The following STXBP5L variants were observed in gnomAD, a reference collection of about 807,000 sequenced individuals.
The protein encoded by STXBP5L is syntaxin-binding protein 5-like.
STXBP5L carries 65 observed loss-of-function variants against 144.5 expected under a neutral mutation model. The observed-to-expected ratio is 0.45, with a 90% CI of 0.37 to 0.55. The LOEUF (loss-of-function observed/expected upper bound fraction) is 0.55. Ranked by LOEUF, STXBP5L falls within the 20% of genes least tolerant of loss-of-function variation. The pLI is 0.00. For missense variants in STXBP5L, 1,298 were observed against 1,405.5 expected (o/e 0.92, Z 1.22); for synonymous variants, 505 against 469.6 (o/e 1.08, Z -0.97).
intron 9 of STXBP5L, among the ~76,000 whole-genome samples, chr3:121,190,661 G>T (rs2047613094): frequency 6.6e-6 from 1 of 151,558 alleles, no homozygotes. Flanking sequence ...CTCCCAGATG[G>T]GGTGGCTGGC....
intron 3 of STXBP5L, among the ~76,000 whole-genome samples, chr3:120,965,370 A>G (rs1434745619): frequency 1.3e-5 from 2 of 152,102 alleles, no homozygotes; most frequent in African/African-American, 2.4e-5. Flanking sequence ...TCTTCATAGC[A>G]TCGATGGTCT....
chr3:121,100,093 T>C (rs9289158), intron 5 of STXBP5L, among the ~76,000 whole-genome samples: 15,113 of 152,128 alleles, frequency 0.099, 1,180 homozygotes, highest in Admixed American at 0.2. Flanking sequence ...CACCCAGATT[T>C]ATAAAACAAG....
At chr3:121,009,517 G>A (rs1003642240) in intron 3 of STXBP5L, among the ~76,000 whole-genome samples, 4 of 151,978 alleles carry the variant, frequency 2.6e-5, no homozygotes, top group Non-Finnish European at 2.9e-5. Flanking sequence ...TCTGAATGTG[G>A]TAGCAGTTCA....
At chr3:120,962,365 G>C (rs1301101162) in intron 3 of STXBP5L, among the ~76,000 whole-genome samples, 2 of 152,168 alleles carry the variant, frequency 1.3e-5, no homozygotes, top group Admixed American at 6.5e-5. Context: ...CCTATATCCT[G>C]AATGGTATTG....
intron 11 of STXBP5L, among the ~76,000 whole-genome samples, chr3:121,228,469 G>A (rs2049192335): frequency 2.6e-5 from 4 of 152,216 alleles, no homozygotes; most frequent in Non-Finnish European, 4.4e-5. Flanking sequence ...AAACTAGGTA[G>A]TTCTCAGGAA....
chr3:121,344,983 G>C (rs1053838691), intron 20 of STXBP5L, among the ~76,000 whole-genome samples: 1 of 150,192 alleles, frequency 6.7e-6, no homozygotes, highest in South Asian at 2.1e-4. Flanking sequence ...ACACATTTTT[G>C]TATATATAAA....
In STXBP5L at chr3:121,407,669, T is replaced by C. The variant is rs765512346; in HGVS notation, c.2948+66T>C. The stretch of plus-strand genomic sequence containing the variant: ...ACCAGCAAGGTACAATCCTAAAAAA[T>C]ATATGTGTTATGTGCAGATGTTATC... On this transcript the variant is annotated intron_variant, in intron 23 of 26. Coordinates refer to ENST00000471454, the MANE Select transcript of STXBP5L (RefSeq NM_001308330.2). The C allele has an allele frequency of 5.0e-6, 8 of 1,590,720 alleles. No individual in the cohort carries two copies. The Admixed American group carries it at 1.0e-4, about 20-fold the overall frequency.
In STXBP5L at chr3:121,116,966, A is replaced by G. The variant is rs531753232; in HGVS notation, c.605+1907A>G. On this transcript the variant is annotated intron_variant, in intron 6 of 26. Transcript: ENST00000471454. ...TGTTCAGGTTGAATGCTGCTAAAGT[A>G]ATTGAGAAGAATTTGTTATCTTAAG... Among the ~76,000 whole-genome samples, 37 of 152,122 alleles carry G rather than the reference A, an allele frequency of 2.4e-4. 1 individual carries two copies. In the South Asian group the frequency reaches 3.3e-3, roughly 14 times the overall value.
rs554051367 is a variant in STXBP5L at position 121,004,140 on chromosome 3, C to T, written c.288-37560C>T. ...CACTGAATCTATAAATTACCTTGGG[C>T]AGTATGGCCATTTTCATGATATTGA... is the stretch of plus-strand genomic sequence containing the variant. On this transcript the variant is annotated intron_variant, in intron 3 of 26. Coordinates refer to ENST00000471454, the MANE Select transcript of STXBP5L (RefSeq NM_001308330.2). 5.5e-3 allele frequency among the ~76,000 whole-genome samples: 830 copies of T among 152,224 alleles called. 12 individuals carry two copies. Among genetic ancestry groups the T allele is most frequent in the African/African-American group, 0.019 (793 of 41,516 alleles).
In STXBP5L at chr3:121,107,688, T is replaced by A. The variant is rs1269950951; in HGVS notation, c.471-7237T>A. Among the ~76,000 whole-genome samples, 4 of 152,138 alleles carry A rather than the reference T, an allele frequency of 2.6e-5. No homozygotes were observed. In the East Asian group the frequency reaches 7.7e-4, roughly 29 times the overall value. On this transcript the variant is annotated intron_variant, in intron 5 of 26. Transcript: ENST00000471454. The stretch of plus-strand genomic sequence containing the variant: ...TCTTTTTGCTTAGAATTTTCTTGGT[T>A]ATATGGGCTCTTTTTTGGCTCCATA...
intron 5 of STXBP5L, among the ~76,000 whole-genome samples, chr3:121,110,441 G>A (rs1383089614): frequency 1.3e-5 from 2 of 152,130 alleles, no homozygotes; most frequent in Non-Finnish European, 1.5e-5. Flanking sequence ...AATTCTCTCA[G>A]CATTTGCTTG....
chr3:121,139,508 G>T (rs957596479), intron 7 of STXBP5L, among the ~76,000 whole-genome samples: 3 of 152,044 alleles, frequency 2.0e-5, no homozygotes, highest in Admixed American at 6.6e-5. Flanking sequence ...CAGAATTAGT[G>T]TTCAAACCTA....
intron 15 of STXBP5L, among the ~76,000 whole-genome samples, chr3:121,252,314 C>T (rs2050053166): frequency 1.3e-5 from 2 of 151,390 alleles, no homozygotes; most frequent in South Asian, 2.1e-4. Flanking sequence ...TGCAGTGAGC[C>T]GAGATCACAC....
At chr3:121,097,151 A>C (rs1027683989) in intron 5 of STXBP5L, among the ~76,000 whole-genome samples, 1 of 152,154 alleles carries the variant, frequency 6.6e-6, no homozygotes, top group Non-Finnish European at 1.5e-5. Flanking sequence ...TGGCTACTCA[A>C]GCTGCACCAG....
At chr3:121,264,343 A>G (rs1250563645) in intron 18 of STXBP5L, among the ~76,000 whole-genome samples, 1 of 152,222 alleles carries the variant, frequency 6.6e-6, no homozygotes, top group Non-Finnish European at 1.5e-5. Flanking sequence ...CTGTGAGCTT[A>G]TGAAATCAAA....
At chr3:121,048,077 A>T (rs1947649765) in intron 5 of STXBP5L, among the ~76,000 whole-genome samples, 2 of 152,244 alleles carry the variant, frequency 1.3e-5, no homozygotes, top group African/African-American at 2.4e-5. Flanking sequence ...GCTTATCGGG[A>T]AAGAATCTAA....
At chr3:121,052,371 G>T (rs1326469396) in intron 5 of STXBP5L, among the ~76,000 whole-genome samples, 1 of 152,142 alleles carries the variant, frequency 6.6e-6, no homozygotes, top group Non-Finnish European at 1.5e-5. Flanking sequence ...ACAGAATCCA[G>T]CAGCACATCA....
At chr3:121,185,345 TG>T (rs2047333299) in intron 9 of STXBP5L, among the ~76,000 whole-genome samples, 2 of 152,356 alleles carry the variant, frequency 1.3e-5, no homozygotes, top group South Asian at 4.1e-4. Flanking sequence ...CCATTGCTTT[TG>T]GTGTTTTAGA....
intron 3 of STXBP5L, among the ~76,000 whole-genome samples, chr3:121,035,244 G>C (rs187003923): frequency 6.6e-6 from 1 of 152,168 alleles, no homozygotes; most frequent in Admixed American, 6.5e-5. Flanking sequence ...TTTTGTTTTT[G>C]TTGCTTGTGC....
Sources: gnomAD v4.1 joint callset for allele counts (sites outside exome capture counted in the v4.1 genomes callset) on GRCh38, gnomAD v4.1.1 for gene constraint, MANE v1.5 for transcripts, NCBI Gene and HGNC (gene_info 2026-07-23, HGNC 2026-07-21) for gene names.